Variants in CDK5RAP2 observed in about 807,000 individuals in gnomAD.
CDK5RAP2 encodes CDK5 regulatory subunit-associated protein 2.
Under a neutral mutation model 232.9 loss-of-function variants are expected in CDK5RAP2, and 147 were observed. The observed-to-expected ratio is 0.63, with a 90% CI of 0.55 to 0.72. The LOEUF is 0.72. Ranked by LOEUF, CDK5RAP2 falls within the 30% of genes least tolerant of loss-of-function variation. The pLI is 0.00. For synonymous variants in CDK5RAP2, 833 were observed against 833.7 expected (o/e 1.00, Z 0.01); for missense variants, 2,195 against 2,231.5 (o/e 0.98, Z 0.33).
At chr9:120,409,354 A>T in intron 29 of CDK5RAP2, 38 bp from the exon 30 acceptor site, 2 of 1,477,426 alleles carry the variant, frequency 1.4e-6, no homozygotes, top group Non-Finnish European at 1.8e-6. Context: ...AAGGGCCACC[A>T]TTTGTTTTTT....
At position 120,422,718 on chromosome 9, in the gene CDK5RAP2, T is replaced by A; in HGVS notation, c.3979A>T (p.Asn1327Tyr). 6.2e-7 allele frequency: 1 copy of A among 1,613,358 alleles called. No individual in the cohort carries two copies. Among genetic ancestry groups the A allele is most frequent in the Non-Finnish European group, 8.5e-7 (1 of 1,179,306 alleles). ...LNGKSVGVEM[N>Y]TQNELMERIE... ...CTCTCCATCAGTTCATTCTGGGTGT[T>A]CATTTCCACTCCAACTGATTTTCCT... Residue 1327 changes from asparagine to tyrosine, a missense_variant, in exon 26 of 38, where the codon AAC becomes TAC. Physicochemically the swap from Asn to Tyr is moderately radical, Grantham distance 143 (BLOSUM62 -2). Coordinates refer to ENST00000349780, the MANE Select transcript of CDK5RAP2 (RefSeq NM_018249.6).
At chr9:120,392,451 C>A (rs929439428) in intron 36 of CDK5RAP2, among the ~76,000 whole-genome samples, 4 of 152,190 alleles carry the variant, frequency 2.6e-5, no homozygotes, top group Admixed American at 1.3e-4. Context: ...TTTTGACCGA[C>A]CACAGTACTC....
chr9:120,536,193 C>T (rs2131962890), intron 7 of CDK5RAP2, among the ~76,000 whole-genome samples, 179 bp downstream of exon 7: 1 of 152,312 alleles, frequency 6.6e-6, no homozygotes, highest in African/African-American at 2.4e-5. Flanking sequence ...CTTTTCTCTT[C>T]CTCCTGATTT....
At chr9:120,448,186 G>A (rs2036298661) in intron 21 of CDK5RAP2, 60 bp from the exon 22 acceptor site, 1 of 1,350,802 alleles carries the variant, frequency 7.4e-7, no homozygotes, top group Non-Finnish European at 1.1e-6. Context: ...TGGTTGCACA[G>A]TCAACATTCT....
intron 36 of CDK5RAP2, among the ~76,000 whole-genome samples, chr9:120,390,681 G>T (rs1337211342): frequency 6.6e-6 from 1 of 152,176 alleles, no homozygotes; most frequent in African/African-American, 2.4e-5. Flanking sequence ...GTGAGAGTAA[G>T]ATCAGCTTAC....
At chr9:120,404,453 G>A (rs559517575) in intron 32 of CDK5RAP2, among the ~76,000 whole-genome samples, 109 of 152,320 alleles carry the variant, frequency 7.2e-4, no homozygotes, top group African/African-American at 2.0e-3. Context: ...GCTAATACCC[G>A]TTTTAAAACC....
intron 1 of CDK5RAP2, among the ~76,000 whole-genome samples, chr9:120,575,209 G>A (rs892046466): frequency 6.6e-6 from 1 of 151,988 alleles, no homozygotes; most frequent in African/African-American, 2.4e-5. Context: ...GCACCACCAC[G>A]CCCGGCTAAT....
At chr9:120,571,148 A>C (rs1240074180) in intron 2 of CDK5RAP2, among the ~76,000 whole-genome samples, 1 of 152,232 alleles carries the variant, frequency 6.6e-6, no homozygotes, top group Non-Finnish European at 1.5e-5. Context: ...ACAGGACAAG[A>C]CCATGTCTCA....
At chr9:120,493,235 G>A (rs565169153) in intron 12 of CDK5RAP2, among the ~76,000 whole-genome samples, 28 of 152,228 alleles carry the variant, frequency 1.8e-4, no homozygotes, top group Admixed American at 5.2e-4. Flanking sequence ...AGTCCAGTGG[G>A]ACCCATTTGA....
At chr9:120,415,466 A>G (rs995554468) in intron 27 of CDK5RAP2, among the ~76,000 whole-genome samples, 7 of 152,270 alleles carry the variant, frequency 4.6e-5, no homozygotes, top group African/African-American at 1.7e-4. Flanking sequence ...ATCAAATATT[A>G]ATTTAAAATC....
chr9:120,531,835 AG>A (rs149838474), intron 7 of CDK5RAP2, among the ~76,000 whole-genome samples: 5,268 of 152,314 alleles, frequency 0.035, 124 homozygotes, highest in Non-Finnish European at 0.059. Context: ...ACAAGGTGCC[AG>A]GCAGCACCAG....
chr9:120,389,971 G>A, intron 36 of CDK5RAP2, 184 bp from the exon 37 acceptor site: 1 of 642,630 alleles, frequency 1.6e-6, no homozygotes, highest in South Asian at 1.7e-5. Context: ...CAAACCCCAG[G>A]GCCAAATAAC....
intron 14 of CDK5RAP2, among the ~76,000 whole-genome samples, chr9:120,482,670 G>A (rs1379443679): frequency 6.6e-6 from 1 of 152,220 alleles, no homozygotes; most frequent in Non-Finnish European, 1.5e-5. Context: ...AAGCAGCAGT[G>A]TCCTGAGCCA....
chr9:120,457,453 T>C (rs1312372801), intron 20 of CDK5RAP2, among the ~76,000 whole-genome samples: 1 of 152,220 alleles, frequency 6.6e-6, no homozygotes, highest in African/African-American at 2.4e-5. Flanking sequence ...CACCAACTAC[T>C]ACGGTCACCT....
chr9:120,460,747 TC>T, intron 18 of CDK5RAP2, 80 bp from the exon 19 acceptor site: 1 of 1,573,290 alleles, frequency 6.4e-7, no homozygotes, highest in Non-Finnish European at 8.6e-7. Context: ...GTCAGTGATG[TC>T]TTTTTTTTTT....
chr9:120,516,169 T>C (rs935684393), intron 12 of CDK5RAP2, among the ~76,000 whole-genome samples: 9 of 152,090 alleles, frequency 5.9e-5, no homozygotes, highest in Non-Finnish European at 1.3e-4. Flanking sequence ...ATATACACCA[T>C]GGAATACTAT....
chr9:120,516,208 G>C lies in CDK5RAP2; in HGVS notation c.1311+2219C>G, dbSNP rs188169848. Among the ~76,000 whole-genome samples, 364 of 152,188 alleles carry C rather than the reference G, an allele frequency of 2.4e-3. 1 individual carries two copies. The highest frequency in any genetic ancestry group is 4.4e-3 in the Non-Finnish European group (297 of 68,012). On this transcript the variant is annotated intron_variant, in intron 12 of 37. Transcript: ENST00000349780. ...GCCATAAAAAAGGATGAGTTCATGTGCTTTGTAGATACATGGATGAAACTG... is the reference window on the plus strand; with the variant it reads ...GCCATAAAAAAGGATGAGTTCATGTCCTTTGTAGATACATGGATGAAACTG...
chr9:120,517,319 C>T lies in CDK5RAP2; in HGVS notation c.1311+1108G>A, dbSNP rs545139292. ...TTCAATTCTTTCTTCAGTGTTAACA[C>T]TGGGATTTCACCTTCCGGATCCTGG... On this transcript the variant is annotated intron_variant, in intron 12 of 37. Coordinates refer to ENST00000349780, the MANE Select transcript of CDK5RAP2 (RefSeq NM_018249.6). 2.6e-5 allele frequency among the ~76,000 whole-genome samples: 4 copies of T among 152,298 alleles called. No homozygotes were observed. In the East Asian group the frequency reaches 7.7e-4, roughly 29 times the overall value.
intron 14 of CDK5RAP2, among the ~76,000 whole-genome samples, chr9:120,478,427 C>T (rs537015946): frequency 4.6e-5 from 7 of 152,222 alleles, no homozygotes; most frequent in South Asian, 2.1e-4. Context: ...GTTTTAGTTA[C>T]GCAAGATGAA....
Sources: allele counts gnomAD v4.1 joint callset (sites outside exome capture counted in the v4.1 genomes callset), GRCh38; gene constraint gnomAD v4.1.1; transcripts MANE v1.5; gene names NCBI Gene and HGNC (gene_info 2026-07-23, HGNC 2026-07-21).